Variants in RAB27A observed in about 807,000 individuals in gnomAD.
RAB27A encodes RAB27A, member RAS oncogene family, also known as ras-related protein Rab-27A.
RAB27A carries 17 observed loss-of-function variants against 20.8 expected under a neutral mutation model. The ratio of observed to expected loss-of-function variants is 0.82; its 90% confidence interval spans 0.56 to 1.23. The LOEUF (loss-of-function observed/expected upper bound fraction) is 1.23, where lower values mean the gene tolerates loss of function less well. Ranked by LOEUF, RAB27A falls within the 50% of genes most tolerant of loss-of-function variation. The pLI is 0.00. For missense variants in RAB27A, 277 were observed against 266.7 expected, an observed-to-expected ratio of 1.04 and a Z score of -0.27; for synonymous variants, 85 against 92.8, an observed-to-expected ratio of 0.92 and a Z score of 0.48.
chr15:55,243,668 T>C lies in RAB27A; in HGVS notation c.-22-8712A>G, dbSNP rs529389511. Among the ~76,000 whole-genome samples, 3 of 152,148 alleles carry C rather than the reference T, an allele frequency of 2.0e-5. No homozygotes were observed. In the South Asian group the frequency reaches 6.2e-4, roughly 32 times the overall value. ...TATTTTCTCTGACATCATGTCTCTG[T>C]AAGGACACTTCTGGCCCTCTCTCTT... On this transcript the variant is annotated intron_variant, in intron 2 of 6. Coordinates refer to ENST00000336787, the MANE Select transcript of RAB27A (RefSeq NM_183235.3).
intron 6 of RAB27A, among the ~76,000 whole-genome samples, chr15:55,218,238 G>T (rs1895405677): frequency 6.6e-6 from 1 of 152,152 alleles, no homozygotes; most frequent in Non-Finnish European, 1.5e-5. Context: ...GATGCTAATT[G>T]AACAACATTT....
intron 2 of RAB27A, among the ~76,000 whole-genome samples, chr15:55,295,072 C>A (rs2054942797): frequency 6.6e-6 from 1 of 151,914 alleles, no homozygotes; most frequent in Non-Finnish European, 1.5e-5. Flanking sequence ...ATAAAAATGG[C>A]CAACTTCAAA....
chr15:55,208,597 C>A (rs1894765887), intron 6 of RAB27A, among the ~76,000 whole-genome samples: 1 of 152,148 alleles, frequency 6.6e-6, no homozygotes, highest in African/African-American at 2.4e-5. Context: ...ACCGAAGTTC[C>A]AAGGAAGAAA....
intron 1 of RAB27A, among the ~76,000 whole-genome samples, chr15:55,273,870 A>T (rs1897775783): frequency 6.6e-6 from 1 of 152,254 alleles, no homozygotes; most frequent in Non-Finnish European, 1.5e-5. Flanking sequence ...GAAATGGCAG[A>T]TCTGAACAAC....
At chr15:55,294,862 T>C (rs2054942268) in intron 2 of RAB27A, among the ~76,000 whole-genome samples, 1 of 152,084 alleles carries the variant, frequency 6.6e-6, no homozygotes, top group Admixed American at 6.6e-5. Flanking sequence ...TTTTTGTAAA[T>C]GGTGCATAAA....
chr15:55,210,844 G>A (rs1894992698), intron 6 of RAB27A, among the ~76,000 whole-genome samples: 2 of 152,010 alleles, frequency 1.3e-5, no homozygotes, highest in South Asian at 2.1e-4. Context: ...TTGTCCAGAC[G>A]AATGACCTGG....
intron 2 of RAB27A, among the ~76,000 whole-genome samples, chr15:55,303,083 G>T (rs1238661584): frequency 6.7e-5 from 9 of 133,774 alleles, no homozygotes; most frequent in Middle Eastern, 4.0e-3. Flanking sequence ...GGAGGGAGGT[G>T]GGGGGGTCAG....
intron 5 of RAB27A, among the ~76,000 whole-genome samples, chr15:55,228,399 G>C (rs567994581): frequency 6.6e-6 from 1 of 152,294 alleles, no homozygotes; most frequent in South Asian, 2.1e-4. Context: ...TGGAGCACAG[G>C]AAGTACTCAA....
chr15:55,292,973 G>A (rs1430825634), upstream of RAB27A, among the ~76,000 whole-genome samples: 1 of 152,170 alleles, frequency 6.6e-6, no homozygotes, highest in East Asian at 1.9e-4. Context: ...AAAACAAGGA[G>A]AGTGTTATTA....
chr15:55,278,812 C>A (rs143291633), intron 1 of RAB27A, among the ~76,000 whole-genome samples: 65 of 152,240 alleles, frequency 4.3e-4, no homozygotes, highest in African/African-American at 1.5e-3. Context: ...GAATTCAGTA[C>A]GTTGACATGG....
chr15:55,267,561 C>A (rs1050271883), intron 2 of RAB27A, among the ~76,000 whole-genome samples: 1 of 152,104 alleles, frequency 6.6e-6, no homozygotes, highest in South Asian at 2.1e-4. Flanking sequence ...GCATAGACAG[C>A]GCAAATAAAT....
intron 2 of RAB27A, among the ~76,000 whole-genome samples, chr15:55,313,437 T>G (rs74784553): frequency 0.029 from 4,367 of 152,176 alleles, 210 homozygotes; most frequent in African/African-American, 0.1. Context: ...CCTCAAAAGA[T>G]CATACTAAAT....
At chr15:55,319,111 G>T (rs942642683) in exon 1 of RAB27A, 2 of 994,268 alleles carry the variant, frequency 2.0e-6, no homozygotes, top group African/African-American at 1.7e-5. Flanking sequence ...CCACCACGTC[G>T]GGTGGGAGCT....
chr15:55,291,182 T>A (rs1409810945), upstream of RAB27A, among the ~76,000 whole-genome samples: 1 of 152,092 alleles, frequency 6.6e-6, no homozygotes, highest in Non-Finnish European at 1.5e-5. Context: ...GCTCTTCCCG[T>A]GTGAGAGAAG....
intron 1 of RAB27A, among the ~76,000 whole-genome samples, chr15:55,287,830 A>G (rs1898198383): frequency 6.6e-6 from 1 of 152,218 alleles, no homozygotes; most frequent in Non-Finnish European, 1.5e-5. Flanking sequence ...TGGAGGACTC[A>G]CATATCCTGA....
chr15:55,317,913 C>G, intron 1 of RAB27A: 1 of 386,498 alleles, frequency 2.6e-6, no homozygotes, highest in Non-Finnish European at 4.6e-6. Flanking sequence ...GTACAATGTC[C>G]TTTTAAAAGA....
At chr15:55,298,204 C>CAAAAA (rs545657585) in intron 2 of RAB27A, among the ~76,000 whole-genome samples, 1 of 63,498 alleles carries the variant, frequency 1.6e-5, no homozygotes, top group African/African-American at 5.5e-5. Flanking sequence ...GACTCCGTCT[C>CAAAAA]AAAAAAAAAA....
At chr15:55,291,328 G>A (rs1229797043), upstream of RAB27A, among the ~76,000 whole-genome samples, 1 of 152,006 alleles carries the variant, frequency 6.6e-6, no homozygotes, top group Non-Finnish European at 1.5e-5. Context: ...GGCTAACACG[G>A]TGAAACCCCG....
At chr15:55,263,985 G>C (rs1897368129) in intron 2 of RAB27A, among the ~76,000 whole-genome samples, 1 of 152,174 alleles carries the variant, frequency 6.6e-6, no homozygotes, top group Non-Finnish European at 1.5e-5. Flanking sequence ...ACAACATTTA[G>C]TCCACACCTG....
Sources: allele counts gnomAD v4.1 joint callset (sites outside exome capture counted in the v4.1 genomes callset), GRCh38; gene constraint gnomAD v4.1.1; transcripts MANE v1.5; gene names NCBI Gene and HGNC (gene_info 2026-07-23, HGNC 2026-07-21).